The following HDAC9 variants were observed in gnomAD, a reference collection of about 807,000 sequenced individuals.
HDAC9 encodes histone deacetylase 9.
A neutral mutation model predicts 139.4 loss-of-function variants in HDAC9; 41 were observed. The ratio of observed to expected loss-of-function variants is 0.29; its 90% CI spans 0.23 to 0.38. The LOEUF is 0.38. HDAC9 is among the 10% of genes least tolerant of loss of function. The pLI, the probability that HDAC9 is intolerant of heterozygous loss-of-function variation, is 1.00. For missense variants in HDAC9, 1,147 were observed against 1,297.0 expected (o/e 0.88, Z 1.78); for synonymous variants, 517 against 476.2 (o/e 1.09, Z -1.12).
At chr7:18,359,530 G>C (rs2128686810) in intron 1 of HDAC9, among the ~76,000 whole-genome samples, 1 of 152,252 alleles carries the variant, frequency 6.6e-6, no homozygotes, top group South Asian at 2.1e-4. Context: ...TAAAAGTAGA[G>C]CAAATAGTAC....
intron 2 of HDAC9, among the ~76,000 whole-genome samples, chr7:18,216,129 TGA>T (rs59712565): frequency 0.025 from 3,549 of 143,514 alleles, 140 homozygotes; most frequent in African/African-American, 0.088. Flanking sequence ...TGTGTGTGTG[TGA>T]GAGAGAGAGA....
rs932740069 is a variant in HDAC9, at chr7:18,677,885, G to A, written c.1731+11409G>A. Among the ~76,000 whole-genome samples, 105 of 151,908 alleles carry A rather than the reference G, an allele frequency of 6.9e-4. 1 individual carries two copies. The highest frequency in any genetic ancestry group is 2.2e-3 in the Admixed American group (33 of 15,222). On this transcript the variant is annotated intron_variant, in intron 12 of 25. Transcript: ENST00000686413. Reference sequence around the variant, plus strand: ...CATTCTATCAATTTGTTCTTCTATGGTTAGTGCTTTAGTGTCCTTTCAAGA... The same window carrying A: ...CATTCTATCAATTTGTTCTTCTATGATTAGTGCTTTAGTGTCCTTTCAAGA...
chr7:18,234,561 G>C (rs17346538), intron 2 of HDAC9, among the ~76,000 whole-genome samples: 3,462 of 152,270 alleles, frequency 0.023, 58 homozygotes, highest in Middle Eastern at 0.065. Context: ...ATATGCCATC[G>C]TTTTGCAGAT....
At chr7:18,772,718 C>G (rs1407898128) in intron 16 of HDAC9, among the ~76,000 whole-genome samples, 5 of 152,006 alleles carry the variant, frequency 3.3e-5, no homozygotes, top group African/African-American at 4.8e-5. Context: ...CAGCTTCAGA[C>G]TTGATGCAAT....
Position 18,837,527 on chromosome 7 carries a change from A to T in HDAC9, c.2684+1530A>T, listed in dbSNP as rs557544059. ...CCTGGTAACTTGCATGATACACATT[A>T]AATTCATGTTAAATACACATTAAAT... On this transcript the variant is annotated intron_variant, in intron 21 of 25. Coordinates refer to ENST00000686413, the MANE Select transcript of HDAC9 (RefSeq NM_178425.4). Among the ~76,000 whole-genome samples, 100 of 152,196 alleles carry T rather than the reference A, an allele frequency of 6.6e-4. 1 individual carries two copies. The South Asian group carries it at 0.021, about 31-fold the overall frequency.
chr7:18,391,680 CT>C (rs1485961032), intron 1 of HDAC9, among the ~76,000 whole-genome samples: 1 of 152,218 alleles, frequency 6.6e-6, no homozygotes, highest in African/African-American at 2.4e-5. Context: ...AATGTCTCCA[CT>C]TTTTCATCTT....
intron 16 of HDAC9, among the ~76,000 whole-genome samples, chr7:18,790,143 T>A (rs916944704): frequency 6.6e-6 from 1 of 152,156 alleles, no homozygotes; most frequent in African/African-American, 2.4e-5. Context: ...GGCAGCTAAT[T>A]TGGCCCTGAA....
chr7:18,142,626 G>A (rs1785987887), intron 1 of HDAC9, among the ~76,000 whole-genome samples: 1 of 152,166 alleles, frequency 6.6e-6, no homozygotes, highest in Non-Finnish European at 1.5e-5. Context: ...AGGGACAACT[G>A]GTCAGAGAGT....
intron 1 of HDAC9, among the ~76,000 whole-genome samples, chr7:18,303,146 A>T (rs192047807): frequency 1.6e-4 from 24 of 152,278 alleles, no homozygotes; most frequent in Non-Finnish European, 3.2e-4. Flanking sequence ...AATTCACCCC[A>T]CCTGTATTAT....
chr7:18,753,178 C>G (rs2129149616), intron 14 of HDAC9, among the ~76,000 whole-genome samples: 1 of 152,208 alleles, frequency 6.6e-6, no homozygotes, highest in South Asian at 2.1e-4. Context: ...ATTAATTAGA[C>G]AATCATACAA....
At position 18,279,822 on chromosome 7, in the gene HDAC9, G is replaced by A. The variant is rs193051193; in HGVS notation, c.25+117473G>A. On this transcript the variant is annotated intron_variant, in intron 2 of 12. Transcript: ENST00000417496. ...CTAGAAACTAGTTTCAAAGAGGCCT[G>A]ATTCATTTTTTATGTAAATTGACCA... 2.7e-3 allele frequency among the ~76,000 whole-genome samples: 417 copies of A among 152,140 alleles called. 3 individuals carry two copies. The highest frequency in any genetic ancestry group is 9.3e-3 in the African/African-American group (385 of 41,500).
chr7:18,930,032 G>T (rs1442343719), intron 22 of HDAC9, among the ~76,000 whole-genome samples: 1 of 152,104 alleles, frequency 6.6e-6, no homozygotes, highest in Admixed American at 6.6e-5. Flanking sequence ...AGGTAATAGG[G>T]ATGTCTGTCA....
intron 11 of HDAC9, among the ~76,000 whole-genome samples, chr7:18,654,046 C>T (rs949802106): frequency 2.0e-5 from 3 of 151,972 alleles, no homozygotes; most frequent in Admixed American, 6.6e-5. Flanking sequence ...TAATGTAGAA[C>T]TATTTTGTGC....
chr7:18,607,354 A>G (rs1584029047), intron 6 of HDAC9, among the ~76,000 whole-genome samples: 1 of 152,358 alleles, frequency 6.6e-6, no homozygotes, highest in Non-Finnish European at 1.5e-5. Flanking sequence ...CATTAGATGA[A>G]CAAAGCTGAG....
chr7:18,363,173 T>G (rs1300731004), intron 1 of HDAC9, among the ~76,000 whole-genome samples: 1 of 152,156 alleles, frequency 6.6e-6, no homozygotes, highest in East Asian at 1.9e-4. Context: ...ATAAGGTGGG[T>G]TTTCCTAAAG....
intron 25 of HDAC9, among the ~76,000 whole-genome samples, chr7:18,984,379 A>C (rs1460672996): frequency 6.6e-6 from 1 of 152,162 alleles, no homozygotes; most frequent in Admixed American, 6.5e-5. Flanking sequence ...ATGGCACAAA[A>C]TTTAATGGAA....
chr7:18,935,566 T>C (rs2240419), intron 22 of HDAC9, among the ~76,000 whole-genome samples: 122,184 of 152,110 alleles, frequency 0.8, 49,449 homozygotes, highest in African/African-American at 0.91. Context: ...GGTGAAGAGC[T>C]AGATTGGTGC....
At chr7:18,444,959 A>G (rs1376873804) in intron 1 of HDAC9, among the ~76,000 whole-genome samples, 2 of 152,214 alleles carry the variant, frequency 1.3e-5, no homozygotes, top group African/African-American at 4.8e-5. Context: ...CCTAGAATAT[A>G]CAAGTGATCT....
At chr7:18,548,327 A>G (rs1815906258) in intron 2 of HDAC9, among the ~76,000 whole-genome samples, 1 of 152,054 alleles carries the variant, frequency 6.6e-6, no homozygotes, top group African/African-American at 2.4e-5. Context: ...ATATAATAAT[A>G]ATGAAAAAAA....
Sources: allele counts gnomAD v4.1 joint callset (sites outside exome capture counted in the v4.1 genomes callset), GRCh38; gene constraint gnomAD v4.1.1; transcripts MANE v1.5; gene names NCBI Gene and HGNC (gene_info 2026-07-23, HGNC 2026-07-21).